The following ZNF283 variants were observed in gnomAD, a reference collection of about 807,000 sequenced individuals.
ZNF283 encodes the protein zinc finger protein 41.
ZNF283 carries 10 observed loss-of-function variants against 9.2 expected under a neutral mutation model. That is an observed-to-expected ratio of 1.09 (90% CI 0.67 to 1.85). The LOEUF (loss-of-function observed/expected upper bound fraction) is 1.85. ZNF283 is among the 40% of genes most tolerant of loss of function. The probability of loss-of-function intolerance (pLI) is 0.00; values close to 1 mark genes in which losing one functional copy is unlikely to be tolerated. For synonymous variants in ZNF283, 234 were observed against 244.1 expected, an observed-to-expected ratio of 0.96 and a Z score of 0.38; for missense variants, 631 against 760.1, an observed-to-expected ratio of 0.83 and a Z score of 2.00.
In ZNF283 at chr19:43,847,869, G is replaced by C. The variant is rs1413423545; in HGVS notation, c.1268G>C (p.Arg423Thr). The change falls in exon 7 of 7, where the codon AGA (arginine) becomes ACA (threonine). Residue 423 changes from arginine to threonine, a missense_variant. Physicochemically the swap from Arg to Thr is moderately conservative, Grantham distance 71 (BLOSUM62 -1). Transcript: ENST00000618787. ...NCGSSLIQHERIHTGEKPYEC... is the reference protein window; with the variant it reads ...NCGSSLIQHETIHTGEKPYEC... ...GGATCAAGTCTTATTCAACATGAAA[G>C]AATTCATACTGGTGAGAAACCTTAT... The C allele has an allele frequency of 6.2e-7, 1 of 1,612,316 alleles. No individual in the cohort carries two copies. The highest frequency in any genetic ancestry group is 8.5e-7 in the Non-Finnish European group (1 of 1,179,588).
chr19:43,841,177 T>C (rs1202486728), intron 6 of ZNF283, among the ~76,000 whole-genome samples: 2 of 152,368 alleles, frequency 1.3e-5, no homozygotes, highest in East Asian at 3.8e-4. Context: ...AGTTCTTTCT[T>C]TTGTTTCCAC....
chr19:43,828,528 A>T (rs901957904), intron 2 of ZNF283, among the ~76,000 whole-genome samples: 63 of 151,456 alleles, frequency 4.2e-4, no homozygotes, highest in African/African-American at 1.4e-3. Flanking sequence ...CTGAAGAGTT[A>T]TAGAAAGGCA....
At chr19:43,835,293 C>T (rs954791510) in intron 4 of ZNF283, among the ~76,000 whole-genome samples, 1 of 152,144 alleles carries the variant, frequency 6.6e-6, no homozygotes, top group Non-Finnish European at 1.5e-5. Context: ...ATTGTCGAAT[C>T]CCAGGTCCAG....
intron 2 of ZNF283, among the ~76,000 whole-genome samples, chr19:43,829,049 C>T (rs1758076069): frequency 6.6e-6 from 1 of 152,170 alleles, no homozygotes; most frequent in South Asian, 2.1e-4. Context: ...TGAAGTCCAG[C>T]TTTCTGTGGC....
At chr19:43,842,897 C>G (rs1288720608) in intron 6 of ZNF283, among the ~76,000 whole-genome samples, 1 of 152,108 alleles carries the variant, frequency 6.6e-6, no homozygotes, top group Non-Finnish European at 1.5e-5. Flanking sequence ...CTTGAAGAAG[C>G]AGTATTCATT....
At chr19:43,839,561 CAT>C (rs1265091000) in intron 6 of ZNF283, among the ~76,000 whole-genome samples, 2 of 152,204 alleles carry the variant, frequency 1.3e-5, no homozygotes, top group African/African-American at 4.8e-5. Context: ...TTCTGGGACT[CAT>C]ATGATGTGTA....
At chr19:43,828,609 G>A (rs1031910653) in intron 2 of ZNF283, among the ~76,000 whole-genome samples, 3 of 152,108 alleles carry the variant, frequency 2.0e-5, no homozygotes, top group Non-Finnish European at 2.9e-5. Context: ...ATTAGGTGGT[G>A]TTATATAAAC....
chr19:43,830,807 G>A (rs1227979945), intron 2 of ZNF283, among the ~76,000 whole-genome samples: 3 of 150,320 alleles, frequency 2.0e-5, no homozygotes, highest in Admixed American at 1.3e-4. Flanking sequence ...ATAGGCTGAG[G>A]CAGGAGAATT....
Position 43,847,290 on chromosome 19 carries a change from C to T in ZNF283, c.689C>T (p.Thr230Ile). The part of the protein sequence containing the change: ...SKLVQHERTH[T>I]AEKHFECKEC... ...CTTGTTCAACATGAGAGAACTCATA[C>T]AGCTGAAAAACACTTTGAATGTAAA... Residue 230 changes from threonine (T) to isoleucine (I), a missense_variant, in exon 7 of 7, where the codon ACA (threonine) becomes ATA (isoleucine). Thr to Ile is a moderately conservative substitution (Grantham distance 89, BLOSUM62 -1). Coordinates refer to ENST00000618787, the MANE Select transcript of ZNF283 (RefSeq NM_181845.2). 6.2e-7 allele frequency: 1 copy of T among 1,613,696 alleles called. No individual in the cohort carries two copies. The highest frequency in any genetic ancestry group is 8.5e-7 in the Non-Finnish European group (1 of 1,179,832).
At position 43,837,076 on chromosome 19, in the gene ZNF283, G is replaced by A; in HGVS notation, c.234G>A (p.Val78=). 6.2e-7 allele frequency: 1 copy of A among 1,614,100 alleles called. No individual in the cohort carries two copies. Among genetic ancestry groups the A allele is most frequent in the Admixed American group, 1.7e-5 (1 of 60,008 alleles). Residue 78 remains valine, a synonymous_variant, in exon 6 of 7, where the codon GTG becomes GTA. Transcript: ENST00000618787. The part of the protein sequence containing the change: ...MTDGLVTFRD[V]AIDFSQEEWE... ...AGGGGTTGGTGACATTCAGGGATGTGGCCATCGACTTCTCTCAGGAGGAGT... is the reference window on the plus strand; with the variant it reads ...AGGGGTTGGTGACATTCAGGGATGTAGCCATCGACTTCTCTCAGGAGGAGT...
At chr19:43,838,249 A>G (rs1971059703) in intron 6 of ZNF283, among the ~76,000 whole-genome samples, 1 of 152,198 alleles carries the variant, frequency 6.6e-6, no homozygotes, top group Non-Finnish European at 1.5e-5. Context: ...TGATTAAGGT[A>G]GCGTCTGCTG....
In ZNF283 at chr19:43,841,821, T is replaced by C. The variant is rs575310282; in HGVS notation, c.337+4642T>C. On this transcript the variant is annotated intron_variant, in intron 6 of 6. Coordinates refer to ENST00000618787, the MANE Select transcript of ZNF283 (RefSeq NM_181845.2). ...TTCTTTTAGTTAGCTTCAAAAATGT[T>C]CCATTATCTTCTGAACTCTATTGTA... Among the ~76,000 whole-genome samples, 16 of 152,338 alleles carry C rather than the reference T, an allele frequency of 1.1e-4. No individual in the cohort carries two copies. In the East Asian group the frequency reaches 3.1e-3, roughly 29 times the overall value.
chr19:43,832,658 T>G (rs901541510), intron 3 of ZNF283, among the ~76,000 whole-genome samples: 1 of 152,034 alleles, frequency 6.6e-6, no homozygotes, highest in African/African-American at 2.4e-5. Context: ...CAAAATAGAG[T>G]AGCCTTAAGT....
intron 6 of ZNF283, chr19:43,837,780 T>C (rs1971042793): frequency 6.6e-6 from 1 of 152,172 alleles, no homozygotes; most frequent in South Asian, 2.1e-4. Flanking sequence ...GAGCCTGGGA[T>C]CTCTATGTGA....
chr19:43,847,665 C>A lies in ZNF283; in HGVS notation c.1064C>A (p.Ala355Asp), dbSNP rs770576480. The change falls in exon 7 of 7, where the codon GCC (alanine) becomes GAC (aspartate). Residue 355 changes from alanine (A) to aspartate (D), a missense_variant. Coordinates refer to ENST00000618787, the MANE Select transcript of ZNF283 (RefSeq NM_181845.2). Reference protein sequence around the residue: ...KPYKCKECGKAFSRGYQLTQH... With the variant: ...KPYKCKECGKDFSRGYQLTQH... Reference sequence around the variant, plus strand: ...TATAAATGTAAAGAATGTGGGAAGGCCTTCAGTCGTGGCTATCAGCTTACT... The same window carrying A: ...TATAAATGTAAAGAATGTGGGAAGGACTTCAGTCGTGGCTATCAGCTTACT... 41 of 1,613,602 alleles carry A rather than the reference C, an allele frequency of 2.5e-5. 1 individual carries two copies. The South Asian group carries it at 4.5e-4, about 18-fold the overall frequency.
intron 6 of ZNF283, 25 bp downstream of exon 6, chr19:43,837,204 T>A: frequency 6.4e-7 from 1 of 1,559,704 alleles, no homozygotes; most frequent in South Asian, 1.2e-5. Context: ...CTGAAATAAT[T>A]TAGAGTCTCC....
chr19:43,835,397 G>T, intron 4 of ZNF283, 108 bp from the exon 5 acceptor site: 1 of 727,134 alleles, frequency 1.4e-6, no homozygotes, highest in Non-Finnish European at 2.4e-6. Flanking sequence ...ATGGTGCGTG[G>T]GGTGTGTAGC....
Position 43,837,070 on chromosome 19 carries a change from G to A in ZNF283, c.228G>A (p.Arg76=). ...GGTTTTAGGGGTTGGTGACATTCAG[G>A]GATGTGGCCATCGACTTCTCTCAGG... The part of the protein sequence containing the change: ...RTMTDGLVTF[R]DVAIDFSQEE... Residue 76 remains arginine, a synonymous_variant, in exon 6 of 7, where the codon AGG becomes AGA. Transcript: ENST00000618787. 1 of 1,614,074 alleles carries A rather than the reference G, an allele frequency of 6.2e-7. No individual in the cohort carries two copies. The highest frequency in any genetic ancestry group is 8.5e-7 in the Non-Finnish European group (1 of 1,179,992).
chr19:43,839,011 A>G (rs534630210), intron 6 of ZNF283, among the ~76,000 whole-genome samples: 1 of 152,286 alleles, frequency 6.6e-6, no homozygotes, highest in East Asian at 1.9e-4. Flanking sequence ...TTTTATATTT[A>G]CTCATGTAGT....
Sources: allele counts gnomAD v4.1 joint callset (sites outside exome capture counted in the v4.1 genomes callset), GRCh38; gene constraint gnomAD v4.1.1; transcripts MANE v1.5; gene names NCBI Gene and HGNC (gene_info 2026-07-23, HGNC 2026-07-21).